NUDC: variants seen among roughly 807,000 people sequenced by gnomAD.
NUDC encodes the protein nuclear distribution C, dynein complex regulator.
Under a neutral mutation model 45.0 loss-of-function variants are expected in NUDC, and 14 were observed. The ratio of observed to expected loss-of-function variants is 0.31; its 90% CI spans 0.21 to 0.49. NUDC has a LOEUF of 0.49. Ranked by LOEUF, NUDC falls within the 20% of genes least tolerant of loss-of-function variation. The pLI is 0.99. For missense variants in NUDC, 323 were observed against 426.2 expected, an observed-to-expected ratio of 0.76 and a Z score of 2.13; for synonymous variants, 153 against 156.7, an observed-to-expected ratio of 0.98 and a Z score of 0.17.
At chr1:26,921,707 T>A, upstream of NUDC, 1 of 887,814 alleles carries the variant, frequency 1.1e-6, no homozygotes, top group East Asian at 2.7e-5. Flanking sequence ...GAGGCGGGCC[T>A]GGGCAGCCGC....
intron 2 of NUDC, among the ~76,000 whole-genome samples, chr1:26,933,917 G>A (rs548728148): frequency 6.6e-6 from 1 of 152,270 alleles, no homozygotes; most frequent in Non-Finnish European, 1.5e-5. Context: ...CACTTTGGGT[G>A]GCCAAGGTGG....
intron 2 of NUDC, among the ~76,000 whole-genome samples, chr1:26,931,745 C>G (rs2082185718): frequency 6.6e-6 from 1 of 150,764 alleles, no homozygotes. Context: ...CCACTGCACT[C>G]CAGCCTGGCG....
chr1:26,923,107 A>AT (rs2082104206), intron 1 of NUDC, among the ~76,000 whole-genome samples: 1 of 152,182 alleles, frequency 6.6e-6, no homozygotes, highest in Non-Finnish European at 1.5e-5. Flanking sequence ...AATTTTACTG[A>AT]TTATGTACCT....
chr1:26,941,688 C>A (rs777606053), intron 3 of NUDC, 28 bp downstream of exon 3: 2 of 1,613,142 alleles, frequency 1.2e-6, no homozygotes, highest in Non-Finnish European at 1.7e-6. Flanking sequence ...CTTCTCCACC[C>A]CTCAGATCCC....
chr1:26,900,608 A>C (rs758218354), intron 1 of NUDC: 2 of 632,558 alleles, frequency 3.2e-6, no homozygotes, highest in Non-Finnish European at 5.4e-6. Flanking sequence ...CCTTTCCCAC[A>C]GAGGGAAGCC....
rs3204389 is a variant in NUDC, at chr1:26,945,679, C to T, written c.937C>T (p.Leu313=). Residue 313 remains leucine (L), a synonymous_variant, in exon 8 of 9, where the codon CTG becomes TTG. Transcript: ENST00000321265. Reference sequence around the variant, plus strand: ...AGACGAACAGAAGAAACAGGAGATTCTGAAGAAGTGAGCAATTCAGAGACG... The same window carrying T: ...AGACGAACAGAAGAAACAGGAGATTTTGAAGAAGTGAGCAATTCAGAGACG... ...TSDEQKKQEI[L]KKFMDQHPEM... The T allele has an allele frequency of 1.2e-6, 2 of 1,612,988 alleles. No homozygotes were observed.
In NUDC at chr1:26,924,137, A is replaced by G. The variant is rs556308052; in HGVS notation, c.130A>G (p.Ile44Val). 6.2e-7 allele frequency: 1 copy of G among 1,614,108 alleles called. No homozygotes were observed. The highest frequency in any genetic ancestry group is 1.7e-5 in the Admixed American group (1 of 59,994). Residue 44 changes from isoleucine (I) to valine (V), a missense_variant, in exon 2 of 9, where the codon ATT (isoleucine) becomes GTT (valine). Coordinates refer to ENST00000321265, the MANE Select transcript of NUDC (RefSeq NM_006600.4). ...CCTTCGACGCAAAACAGACTTTTTC[A>G]TTGGAGGAGAAGAAGGGATGGCAGA... ...SFLRRKTDFF[I>V]GGEEGMAEKL...
At chr1:26,903,092 C>T (rs766081110) in intron 2 of NUDC, among the ~76,000 whole-genome samples, 5 of 151,916 alleles carry the variant, frequency 3.3e-5, no homozygotes, top group African/African-American at 4.8e-5. Flanking sequence ...CTTACCAAGC[C>T]TGGATTTGTT....
chr1:26,926,621 C>T (rs553378063), intron 2 of NUDC, among the ~76,000 whole-genome samples: 8 of 150,996 alleles, frequency 5.3e-5, no homozygotes, highest in South Asian at 2.1e-4. Context: ...TTTTTTGACA[C>T]GGAGTTTCAT....
chr1:26,921,961 C>T (rs987179460), intron 1 of NUDC, 32 bp downstream of exon 1: 2 of 1,544,224 alleles, frequency 1.3e-6, no homozygotes, highest in Non-Finnish European at 1.8e-6. Flanking sequence ...GCCCACCCGG[C>T]GGCCTTGGCC....
At chr1:26,906,270 C>A (rs2124053458) in intron 2 of NUDC, among the ~76,000 whole-genome samples, 1 of 151,926 alleles carries the variant, frequency 6.6e-6, no homozygotes, top group South Asian at 2.1e-4. Flanking sequence ...GAGAGTGAGA[C>A]TCTGTCTCAA....
chr1:26,940,475 T>A (rs2082267517), intron 2 of NUDC, among the ~76,000 whole-genome samples: 1 of 144,906 alleles, frequency 6.9e-6, no homozygotes, highest in Non-Finnish European at 1.5e-5. Context: ...AAACTCCATC[T>A]CAAAAAAAAA....
At chr1:26,919,889 G>A (rs1250320086), upstream of NUDC, among the ~76,000 whole-genome samples, 1 of 152,212 alleles carries the variant, frequency 6.6e-6, no homozygotes, top group Non-Finnish European at 1.5e-5. Context: ...TTGACGCTAT[G>A]AAGACATTGC....
chr1:26,915,058 C>CATAT (rs67296768), intron 3 of NUDC, among the ~76,000 whole-genome samples: 10,308 of 140,476 alleles, frequency 0.073, 475 homozygotes, highest in African/African-American at 0.083. Context: ...TACATACATA[C>CATAT]ATATATATAT....
intron 2 of NUDC, among the ~76,000 whole-genome samples, chr1:26,907,180 A>G (rs766855268): frequency 1.3e-5 from 2 of 152,150 alleles, no homozygotes; most frequent in Non-Finnish European, 2.9e-5. Flanking sequence ...GCCTTTGCAT[A>G]TATCTGTTTG....
chr1:26,937,854 G>T (rs1436033863), intron 2 of NUDC, among the ~76,000 whole-genome samples: 1 of 151,948 alleles, frequency 6.6e-6, no homozygotes, highest in Non-Finnish European at 1.5e-5. Flanking sequence ...TTCCTATGTT[G>T]CCCAGGCTGG....
intron 3 of NUDC, chr1:26,913,403 G>C: frequency 6.2e-7 from 1 of 1,613,928 alleles, no homozygotes. Context: ...GTGTCTGGGA[G>C]CTCACCGGGG....
intron 3 of NUDC, chr1:26,913,423 A>G (rs755579803): frequency 1.9e-6 from 3 of 1,613,810 alleles, no homozygotes; most frequent in East Asian, 2.2e-5. Flanking sequence ...GTTGAAGAGG[A>G]TGGTCCCTTT....
rs1020000040 is a variant in NUDC at position 26,924,028 on chromosome 1, T to C, written c.82-61T>C. ...CTCCTAGACAAAACAAGTTGACTTG[T>C]GTGCAGTTGAAGGGCTCCCAAATGC... On this transcript the variant is annotated intron_variant, in intron 1 of 8. Transcript: ENST00000321265. 6.1e-5 allele frequency: 89 copies of C among 1,450,572 alleles called. 1 individual carries two copies. The South Asian group carries it at 9.7e-4, about 16-fold the overall frequency. The allele number at this position is 1,450,572 out of a possible 1,614,324, so 89.9% of individuals were successfully genotyped here. A position where few individuals can be genotyped will look rare whatever the true frequency, so the allele number is the denominator to read the frequency against.
Sources: allele counts gnomAD v4.1 joint callset (sites outside exome capture counted in the v4.1 genomes callset), GRCh38; gene constraint gnomAD v4.1.1; transcripts MANE v1.5; gene names NCBI Gene and HGNC (gene_info 2026-07-23, HGNC 2026-07-21).